NECTIN2: variants seen among roughly 807,000 people sequenced by gnomAD.
The protein encoded by NECTIN2 is nectin cell adhesion molecule 2.
Under a neutral mutation model 56.9 loss-of-function variants are expected in NECTIN2, and 23 were observed. That is an observed-to-expected ratio of 0.40 (90% CI 0.29 to 0.57). The LOEUF is 0.57. Among genes scored for constraint, NECTIN2 ranks in the 20% least tolerant of loss-of-function variants. The pLI is 0.38. For missense variants in NECTIN2, 587 were observed against 718.3 expected (o/e 0.82, Z 2.09); for synonymous variants, 302 against 313.8 (o/e 0.96, Z 0.40).
At position 44,846,340 on chromosome 19, in the gene NECTIN2, G is replaced by C. The variant is rs544229520; in HGVS notation, c.-186G>C. ...AACCGCCGGAGCTGAGCGAGAGGCC[G>C]GGGGTGCCGAGCCGGGCGGGGAGAG... On this transcript the variant is annotated 5_prime_UTR_variant, in exon 1 of 9. Coordinates refer to ENST00000252483, the MANE Select transcript of NECTIN2 (RefSeq NM_001042724.2). The C allele has an allele frequency of 7.9e-6, 5 of 636,312 alleles. No individual in the cohort carries two copies. Among genetic ancestry groups the C allele is most frequent in the Non-Finnish European group, 1.2e-5 (5 of 418,856 alleles). 39.4% of individuals were successfully genotyped at this position (636,312 alleles called of 1,614,324 possible). A position where few individuals can be genotyped will look rare whatever the true frequency, so the allele number is the denominator to read the frequency against.
intron 2 of NECTIN2, among the ~76,000 whole-genome samples, chr19:44,867,762 T>C (rs1179852397): frequency 2.0e-5 from 3 of 152,096 alleles, no homozygotes; most frequent in African/African-American, 7.2e-5. Flanking sequence ...TTACACGGGC[T>C]TCACAGGTGG....
intron 1 of NECTIN2, among the ~76,000 whole-genome samples, chr19:44,848,725 C>T (rs997448538): frequency 6.6e-6 from 1 of 151,650 alleles, no homozygotes; most frequent in African/African-American, 2.4e-5. Context: ...TTTCTTTCCC[C>T]CTCTTCATCT....
intron 1 of NECTIN2, among the ~76,000 whole-genome samples, chr19:44,847,188 G>A (rs1968846125): frequency 6.6e-6 from 1 of 152,176 alleles, no homozygotes; most frequent in South Asian, 2.1e-4. Flanking sequence ...CGACTTAGGG[G>A]GAAGGGCCTG....
chr19:44,867,525 C>T (rs964328157), intron 2 of NECTIN2, among the ~76,000 whole-genome samples: 8 of 152,156 alleles, frequency 5.3e-5, no homozygotes, highest in African/African-American at 1.7e-4. Flanking sequence ...GGAAGTAAAA[C>T]GGCTTAGAAG....
chr19:44,878,499 A>T (rs1429846400), intron 5 of NECTIN2: 4 of 1,613,808 alleles, frequency 2.5e-6, no homozygotes, highest in Non-Finnish European at 3.4e-6. Context: ...GATGAGGAGG[A>T]GGAGGAGGAG....
intron 1 of NECTIN2, among the ~76,000 whole-genome samples, chr19:44,853,194 C>G (rs1439325238): frequency 1.3e-5 from 2 of 151,840 alleles, no homozygotes; most frequent in Non-Finnish European, 2.9e-5. Flanking sequence ...GGGGAACTTA[C>G]AGCAATGGGA....
At chr19:44,849,266 G>C (rs781607116) in intron 1 of NECTIN2, among the ~76,000 whole-genome samples, 2 of 152,078 alleles carry the variant, frequency 1.3e-5, no homozygotes, top group Non-Finnish European at 2.9e-5. Flanking sequence ...GGAATGGGAC[G>C]GAGGAGGGTG....
chr19:44,875,384 G>A lies in NECTIN2; in HGVS notation c.1042+906G>A, dbSNP rs1216909439. Among the ~76,000 whole-genome samples, 1 of 151,818 alleles carries A rather than the reference G, an allele frequency of 6.6e-6. No homozygotes were observed. Among genetic ancestry groups the A allele is most frequent in the African/African-American group, 2.4e-5 (1 of 41,280 alleles). On this transcript the variant is annotated intron_variant, in intron 5 of 8. Transcript: ENST00000252483. This position sits in a 1 kb window ranked among gnomAD's most constrained non-coding sequence, Gnocchi z 4.2. ...GGGTTCAAGCAATTATCCTGCCTCA[G>A]CCTCCTGAGTAGCTGGGACTATATG...
At chr19:44,877,832 G>A (rs188464779) in intron 5 of NECTIN2, among the ~76,000 whole-genome samples, 2 of 152,214 alleles carry the variant, frequency 1.3e-5, no homozygotes, top group African/African-American at 2.4e-5. Flanking sequence ...TACGGCGATC[G>A]CCAGACATGG....
In NECTIN2 at chr19:44,888,667, A is replaced by C; in HGVS notation, c.*288A>C. The C allele has an allele frequency of 2.3e-6, 1 of 441,338 alleles. No homozygotes were observed. 27.3% of individuals were successfully genotyped at this position (441,338 alleles called of 1,614,324 possible). Reference sequence around the variant, plus strand: ...CTCCTCTCCCAGACTGTGACCTTAGACCATACCTCTCACCCCCCAATGCCT... The same window carrying C: ...CTCCTCTCCCAGACTGTGACCTTAGCCCATACCTCTCACCCCCCAATGCCT... On this transcript the variant is annotated 3_prime_UTR_variant, in exon 9 of 9. Transcript: ENST00000252483.
At chr19:44,846,838 C>G (rs2122615552) in intron 1 of NECTIN2, among the ~76,000 whole-genome samples, 1 of 151,910 alleles carries the variant, frequency 6.6e-6, no homozygotes, top group African/African-American at 2.4e-5. Context: ...CACCCCCATC[C>G]TTCTTAATCC....
intron 1 of NECTIN2, among the ~76,000 whole-genome samples, chr19:44,849,473 A>G (rs985350220): frequency 6.6e-6 from 1 of 150,508 alleles, no homozygotes; most frequent in Non-Finnish European, 1.5e-5. Context: ...CAGAAGGGAC[A>G]GGGAGCTGGG....
chr19:44,886,082 G>C lies in NECTIN2; in HGVS notation c.1261-51G>C. The C allele has an allele frequency of 3.2e-6, 5 of 1,574,474 alleles. 1 individual carries two copies. The South Asian group carries it at 5.5e-5, about 17-fold the overall frequency. ...GGGAGGGGCCTGGCAGGGAGAAGCT[G>C]GCTGGGTGGTGGGGGCAGTTCCTGA... On this transcript the variant is annotated intron_variant, in intron 7 of 8. Coordinates refer to ENST00000252483, the MANE Select transcript of NECTIN2 (RefSeq NM_001042724.2).
At position 44,865,692 on chromosome 19, in the gene NECTIN2, T is replaced by C. The variant is rs1049607219; in HGVS notation, c.478+32T>C. 1 of 1,481,964 alleles carries C rather than the reference T, an allele frequency of 6.7e-7. No individual in the cohort carries two copies. The highest frequency in any genetic ancestry group is 1.3e-5 in the South Asian group (1 of 75,924). 91.8% of individuals were successfully genotyped at this position (1,481,964 alleles called of 1,614,324 possible). On this transcript the variant is annotated intron_variant, in intron 2 of 8. Transcript: ENST00000252483. The surrounding 1 kb of genome is among the most constrained non-coding windows in gnomAD (Gnocchi z 5.2). The stretch of plus-strand genomic sequence containing the variant: ...AGGGTAAGGGCGGGAGGCAAGGAGG[T>C]GGGAGGGCCGCGGTGTGGGAGCATC...
chr19:44,860,416 G>A (rs1270182716), intron 1 of NECTIN2, among the ~76,000 whole-genome samples: 1 of 152,116 alleles, frequency 6.6e-6, no homozygotes, highest in Non-Finnish European at 1.5e-5. Flanking sequence ...GGGGGGCTGA[G>A]GTGGGAGGAT....
intron 1 of NECTIN2, among the ~76,000 whole-genome samples, chr19:44,864,085 A>G (rs1969067548): frequency 6.6e-6 from 1 of 150,390 alleles, no homozygotes; most frequent in African/African-American, 2.4e-5. Context: ...CTATAATCCC[A>G]GCACTTTGAG....
At position 44,873,904 on chromosome 19, in the gene NECTIN2, C is replaced by G; in HGVS notation, c.776-12C>G. ...CTCCTCCTTGCTGATCCAGTCCCCC[C>G]ATTTCCCCCAGACCCTCCTGAAGTG... On this transcript the variant is annotated splice_polypyrimidine_tract_variant and intron_variant, in intron 3 of 8. Coordinates refer to ENST00000252483, the MANE Select transcript of NECTIN2 (RefSeq NM_001042724.2). The G allele has an allele frequency of 6.3e-7, 1 of 1,594,534 alleles. No individual in the cohort carries two copies. Among genetic ancestry groups the G allele is most frequent in the Non-Finnish European group, 8.6e-7 (1 of 1,162,816 alleles).
At chr19:44,881,431 C>T (rs1014084171) in intron 5 of NECTIN2, among the ~76,000 whole-genome samples, 4 of 151,318 alleles carry the variant, frequency 2.6e-5, no homozygotes, top group South Asian at 2.1e-4. Context: ...AATCCCAGAA[C>T]GTTGGGAGGC....
chr19:44,853,631 G>T (rs1568586899), intron 1 of NECTIN2, among the ~76,000 whole-genome samples: 1 of 151,778 alleles, frequency 6.6e-6, no homozygotes, highest in Admixed American at 6.6e-5. Flanking sequence ...TGGGATTACG[G>T]GGGCCCGCCA....
Sources: gnomAD v4.1 joint callset for allele counts (sites outside exome capture counted in the v4.1 genomes callset) on GRCh38, gnomAD v4.1.1 for gene constraint, Gnocchi (gnomAD v3.1) non-coding constraint, MANE v1.5 for transcripts, NCBI Gene and HGNC (gene_info 2026-07-23, HGNC 2026-07-21) for gene names.